STOX2: variants seen among roughly 807,000 people sequenced by gnomAD.
The protein encoded by STOX2 is storkhead box 2, also known as storkhead-box protein 2.
STOX2 carries 28 observed loss-of-function variants against 60.9 expected under a neutral mutation model. The observed-to-expected ratio is 0.46, with a 90% confidence interval of 0.34 to 0.63. STOX2 has a LOEUF of 0.63. STOX2 is among the 30% of genes least tolerant of loss of function. The pLI, the probability that STOX2 is intolerant of heterozygous loss-of-function variation, is 0.01. For missense variants in STOX2, 1,024 were observed against 1,187.7 expected (o/e 0.86, Z 2.03); for synonymous variants, 472 against 463.9 (o/e 1.02, Z -0.22).
At chr4:183,948,811 C>T (rs1382563048) in intron 1 of STOX2, among the ~76,000 whole-genome samples, 2 of 152,010 alleles carry the variant, frequency 1.3e-5, no homozygotes, top group East Asian at 1.9e-4. Flanking sequence ...GGATTACAGG[C>T]GTGAGCCACT....
intron 1 of STOX2, among the ~76,000 whole-genome samples, chr4:183,860,767 G>T (rs566754197): frequency 1.3e-5 from 2 of 152,118 alleles, no homozygotes; most frequent in Non-Finnish European, 2.9e-5. Flanking sequence ...TTCTGATGGG[G>T]CCTGACACCT....
intron 2 of STOX2, among the ~76,000 whole-genome samples, chr4:184,006,685 C>A (rs368986017): frequency 9.2e-3 from 701 of 76,370 alleles, no homozygotes; most frequent in East Asian, 0.017. Flanking sequence ...GACCCTGTCT[C>A]AAAAAAAAAA....
chr4:183,821,738 G>T lies in STOX2; in HGVS notation c.364+23683G>T, dbSNP rs1739306906. The stretch of plus-strand genomic sequence containing the variant: ...AGCCCTGCCTAGAGGGGAGGGGAGG[G>T]GTCCCTGCTGCTCCAGCAGCCTCCC... On this transcript the variant is annotated intron_variant, in intron 1 of 2. Coordinates refer to the STOX2 transcript ENST00000513034. This position sits in a 1 kb window ranked among gnomAD's most constrained non-coding sequence, Gnocchi z 4.2. 6.6e-6 allele frequency among the ~76,000 whole-genome samples: 1 copy of T among 152,152 alleles called. No homozygotes were observed.
chr4:183,995,502 T>A (rs977611368), intron 1 of STOX2, among the ~76,000 whole-genome samples: 3 of 151,956 alleles, frequency 2.0e-5, no homozygotes, highest in South Asian at 2.1e-4. Flanking sequence ...GATAGAGGGA[T>A]TTAAATAGTG....
At chr4:183,908,074 G>T (rs973832137) in intron 1 of STOX2, among the ~76,000 whole-genome samples, 1 of 152,126 alleles carries the variant, frequency 6.6e-6, no homozygotes, top group South Asian at 2.1e-4. Flanking sequence ...TTTAACTGGG[G>T]TCAGCATCTC....
At chr4:183,819,295 C>T (rs1032733105) in intron 1 of STOX2, among the ~76,000 whole-genome samples, 5 of 152,104 alleles carry the variant, frequency 3.3e-5, no homozygotes, top group Admixed American at 6.5e-5. Flanking sequence ...GCAATCCCGG[C>T]ACCTCGGGAG....
chr4:183,827,189 A>T (rs2111116751), intron 1 of STOX2, among the ~76,000 whole-genome samples: 1 of 152,310 alleles, frequency 6.6e-6, no homozygotes, highest in East Asian at 1.9e-4. Flanking sequence ...GTTATGAAAA[A>T]TGTCAGTCAT....
Position 183,841,144 on chromosome 4 carries a change from C to T in STOX2, c.364+43089C>T, listed in dbSNP as rs140231093. Among the ~76,000 whole-genome samples, 91 of 152,248 alleles carry T rather than the reference C, an allele frequency of 6.0e-4. 2 individuals are homozygous for T. The highest frequency in any genetic ancestry group is 2.1e-3 in the African/African-American group (86 of 41,542). The stretch of plus-strand genomic sequence containing the variant: ...CGACCTCCCGTGCTGGGATTACAGG[C>T]GTGTGTCACCACGCCCGGTTCAGTT... On this transcript the variant is annotated intron_variant, in intron 1 of 2. Transcript: ENST00000513034.
rs140848295 is a variant in STOX2, at chr4:183,978,603, A to T, written c.167-22722A>T. 1.5e-3 allele frequency among the ~76,000 whole-genome samples: 232 copies of T among 152,318 alleles called. 1 individual carries two copies. The highest frequency in any genetic ancestry group is 4.8e-3 in the African/African-American group (201 of 41,570). ...ATCCTACTTCAGTAGTTTCTGATGA[A>T]GTTATATGTATCCTTACCATATGAT... On this transcript the variant is annotated intron_variant, in intron 1 of 3. Transcript: ENST00000308497.
rs187575212 is a variant in STOX2 at position 183,883,381 on chromosome 4, G to A, written c.364+85326G>A. On this transcript the variant is annotated intron_variant, in intron 1 of 2. Transcript: ENST00000513034. Reference sequence around the variant, plus strand: ...GTCGCCCAGGCTGGAGTGCAGTGGCGCGATCTCGGCTCACTGCAAGCTCCG... The same window carrying A: ...GTCGCCCAGGCTGGAGTGCAGTGGCACGATCTCGGCTCACTGCAAGCTCCG... 1.7e-3 allele frequency among the ~76,000 whole-genome samples: 251 copies of A among 150,660 alleles called. 3 individuals are homozygous for A. In the East Asian group the frequency reaches 0.023, roughly 14 times the overall value.
At chr4:183,831,532 T>G (rs2111120886) in intron 1 of STOX2, among the ~76,000 whole-genome samples, 1 of 152,130 alleles carries the variant, frequency 6.6e-6, no homozygotes, top group Non-Finnish European at 1.5e-5. Flanking sequence ...ATATCAGACT[T>G]AAATAATTGC....
At chr4:183,887,113 A>AT (rs1741101902) in intron 1 of STOX2, among the ~76,000 whole-genome samples, 1 of 152,084 alleles carries the variant, frequency 6.6e-6, no homozygotes, top group Admixed American at 6.5e-5. Flanking sequence ...GCAAAAAAAA[A>AT]ATTAGTCTGG....
intron 1 of STOX2, among the ~76,000 whole-genome samples, chr4:183,966,783 A>C (rs962414157): frequency 1.3e-5 from 2 of 152,130 alleles, no homozygotes; most frequent in African/African-American, 4.8e-5. Flanking sequence ...TATTTTTGGG[A>C]GCTATTAAAA....
chr4:184,013,922 G>A (rs192774081), intron 3 of STOX2: 2 of 152,156 alleles, frequency 1.3e-5, no homozygotes, highest in Non-Finnish European at 2.9e-5. Flanking sequence ...GAGTAGCTGG[G>A]ACTACAGGTG....
intron 1 of STOX2, among the ~76,000 whole-genome samples, chr4:183,893,910 G>A (rs1263040797): frequency 6.6e-6 from 1 of 152,224 alleles, no homozygotes; most frequent in African/African-American, 2.4e-5. Context: ...AGTTGGCTCT[G>A]GGAGGCCAAG....
chr4:183,898,378 G>T (rs752600796), intron 1 of STOX2, among the ~76,000 whole-genome samples: 10 of 152,178 alleles, frequency 6.6e-5, no homozygotes, highest in African/African-American at 2.2e-4. Flanking sequence ...TGTACGCTAA[G>T]ACCCCAGAGG....
At chr4:183,881,592 T>C (rs959312599) in intron 1 of STOX2, among the ~76,000 whole-genome samples, 3 of 152,210 alleles carry the variant, frequency 2.0e-5, no homozygotes, top group African/African-American at 7.2e-5. Context: ...TAAATGGAAT[T>C]TCTTCTGAGA....
At position 184,001,401 on chromosome 4, in the gene STOX2, C is replaced by T; in HGVS notation, c.243C>T (p.Ala81=). ...CACTCGGGGAGATCCTCTGCTTGGC[C>T]ATCTCAGCAATGAACTCGGCAAGAA... ...FIPLGEILCL[A]ISAMNSARKP... The change falls in exon 2 of 4, where the codon GCC becomes GCT. Residue 81 remains alanine (A), a synonymous_variant. Coordinates refer to ENST00000308497, the MANE Select transcript of STOX2 (RefSeq NM_020225.3). The surrounding 1 kb of genome is among the most constrained non-coding windows in gnomAD (Gnocchi z 4.2). 1 of 1,613,804 alleles carries T rather than the reference C, an allele frequency of 6.2e-7. No individual in the cohort carries two copies. The highest frequency in any genetic ancestry group is 1.1e-5 in the South Asian group (1 of 91,064).
Position 183,945,541 on chromosome 4 carries a change from A to G in STOX2, c.166+38585A>G, listed in dbSNP as rs369744856. 7.9e-5 allele frequency among the ~76,000 whole-genome samples: 12 copies of G among 152,344 alleles called. No individual in the cohort carries two copies. In the East Asian group the frequency reaches 1.7e-3, roughly 22 times the overall value. On this transcript the variant is annotated intron_variant, in intron 1 of 3. Coordinates refer to ENST00000308497, the MANE Select transcript of STOX2 (RefSeq NM_020225.3). Reference sequence around the variant, plus strand: ...TGTGCTCAAGATGGTTTTGCTGGGTACAGGTTACTATGAATGCCTGTAGGC... The same window carrying G: ...TGTGCTCAAGATGGTTTTGCTGGGTGCAGGTTACTATGAATGCCTGTAGGC...
Sources: allele counts gnomAD v4.1 joint callset (sites outside exome capture counted in the v4.1 genomes callset), GRCh38; gene constraint gnomAD v4.1.1; non-coding constraint Gnocchi (gnomAD v3.1); transcripts MANE v1.5; gene names NCBI Gene and HGNC (gene_info 2026-07-23, HGNC 2026-07-21).